HCN4: variants seen among roughly 807,000 people sequenced by gnomAD.
The protein encoded by HCN4 is hyperpolarization activated cyclic nucleotide gated potassium channel 4.
A neutral mutation model predicts 76.9 loss-of-function variants in HCN4; 29 were observed. The ratio of observed to expected loss-of-function variants is 0.38; its 90% CI spans 0.28 to 0.51. The LOEUF is 0.51. HCN4 is among the 20% of genes least tolerant of loss of function. The pLI is 0.90. For synonymous variants in HCN4, 772 were observed against 762.5 expected, an observed-to-expected ratio of 1.01 and a Z score of -0.21; for missense variants, 1,416 against 1,715.2, an observed-to-expected ratio of 0.83 and a Z score of 3.08.
Position 73,331,697 on chromosome 15 carries a change from G to A in HCN4, c.1371+434C>T, listed in dbSNP as rs551573031. 8.5e-5 allele frequency among the ~76,000 whole-genome samples: 13 copies of A among 152,176 alleles called. No homozygotes were observed. The East Asian group carries it at 9.7e-4, about 11-fold the overall frequency. Reference sequence around the variant, plus strand: ...TGGGCTGAAGGGATCCCCCTGCCTCGGCCTCCTAAAGCACTGGGATTACTG... The same window carrying A: ...TGGGCTGAAGGGATCCCCCTGCCTCAGCCTCCTAAAGCACTGGGATTACTG... On this transcript the variant is annotated intron_variant, in intron 3 of 7. Transcript: ENST00000261917.
At chr15:73,324,041 C>T in intron 7 of HCN4, 48 bp downstream of exon 7, 2 of 1,606,864 alleles carry the variant, frequency 1.2e-6, no homozygotes, top group Non-Finnish European at 1.7e-6. Flanking sequence ...CCCTGCCCTC[C>T]TCCCCCAACA....
Position 73,322,369 on chromosome 15 carries a change from TGG to T in HCN4, c.*110_*111del, listed in dbSNP as rs201771049. ...CTGTCTTTTGTTTTTCTGGTGTGTG[TGG>T]TTTTTTAAATAATTATTACTGTTAT... is the stretch of plus-strand genomic sequence containing the variant. On this transcript the variant is annotated 3_prime_UTR_variant, in exon 8 of 8. Coordinates refer to ENST00000261917, the MANE Select transcript of HCN4 (RefSeq NM_005477.3). 1.0e-5 allele frequency: 9 copies of T among 898,096 alleles called. No individual in the cohort carries two copies. The highest frequency in any genetic ancestry group is 5.5e-5 in the East Asian group (2 of 36,684). 55.6% of individuals were successfully genotyped at this position (898,096 alleles called of 1,614,324 possible).
intron 1 of HCN4, among the ~76,000 whole-genome samples, chr15:73,346,026 T>C (rs1041090977): frequency 2.0e-5 from 3 of 152,188 alleles, no homozygotes; most frequent in African/African-American, 7.2e-5. Flanking sequence ...TAAAACCAAA[T>C]TGCATAAGGC....
At chr15:73,327,512 C>T (rs2042907231) in intron 4 of HCN4, among the ~76,000 whole-genome samples, 1 of 152,046 alleles carries the variant, frequency 6.6e-6, no homozygotes, top group African/African-American at 2.4e-5. Context: ...TGAGCCCCAC[C>T]CCAGTCACAG....
rs2042931339 is a variant in HCN4 at position 73,331,347 on chromosome 15, GC to G, written c.1371+783del. ...CTCCACCTCGGATCAGGATATGTTG[GC>G]GAGTGGGGGCAGCCCAGCTCTGCTG... On this transcript the variant is annotated intron_variant, in intron 3 of 7. Transcript: ENST00000261917. Among the ~76,000 whole-genome samples the G allele has an allele frequency of 3.3e-5, 5 of 152,350 alleles. No individual in the cohort carries two copies. The South Asian group carries it at 1.0e-3, about 32-fold the overall frequency.
At position 73,323,048 on chromosome 15, in the gene HCN4, G is replaced by A. The variant is rs767495892; in HGVS notation, c.3045C>T (p.Ser1015=). 1.4e-5 allele frequency: 22 copies of A among 1,526,680 alleles called. No individual in the cohort carries two copies. The South Asian group carries it at 2.5e-4, about 17-fold the overall frequency. 94.6% of individuals were successfully genotyped at this position (1,526,680 alleles called of 1,614,324 possible). A position where few individuals can be genotyped will look rare whatever the true frequency, so the allele number is the denominator to read the frequency against. ...CTCCTCGGGGAGTAAAGCCTACAGG[G>A]GAAGCCCCCCCAGAGGCCCCTGCCA... is the stretch of plus-strand genomic sequence containing the variant. The part of the protein sequence containing the change: ...SLVAGASGGA[S]PVGFTPRGGL... Residue 1015 remains serine (S), a synonymous_variant, in exon 8 of 8, where the codon TCC becomes TCT. Coordinates refer to ENST00000261917, the MANE Select transcript of HCN4 (RefSeq NM_005477.3).
Position 73,323,519 on chromosome 15 carries a change from G to A in HCN4, c.2574C>T (p.His858=), listed in dbSNP as rs1451738030. 6 of 1,601,568 alleles carry A rather than the reference G, an allele frequency of 3.7e-6. No homozygotes were observed. The highest frequency in any genetic ancestry group is 5.1e-6 in the Non-Finnish European group (6 of 1,179,860). ...QVDTPSSSSF[H]IQQLAGFSAP... Reference sequence around the variant, plus strand: ...CAGAGAATCCAGCCAGCTGTTGGATGTGGAAGGAGGATGAAGACGGTGTGT... The same window carrying A: ...CAGAGAATCCAGCCAGCTGTTGGATATGGAAGGAGGATGAAGACGGTGTGT... The change falls in exon 8 of 8, where the codon CAC becomes CAT. Residue 858 remains histidine, a synonymous_variant. Transcript: ENST00000261917.
At chr15:73,337,704 G>A (rs1408275831) in intron 2 of HCN4, among the ~76,000 whole-genome samples, 2 of 152,196 alleles carry the variant, frequency 1.3e-5, no homozygotes, top group African/African-American at 4.8e-5. Context: ...GAAGGTGAAG[G>A]CAATGGTGAC....
At chr15:73,348,625 A>G (rs887406645) in intron 1 of HCN4, among the ~76,000 whole-genome samples, 3 of 152,082 alleles carry the variant, frequency 2.0e-5, no homozygotes, top group African/African-American at 4.8e-5. Flanking sequence ...TAGCTCTTCA[A>G]CTCTGACCAC....
rs532479388 is a variant in HCN4, at chr15:73,345,412, C to T, written c.786-1604G>A. Among the ~76,000 whole-genome samples, 56 of 152,278 alleles carry T rather than the reference C, an allele frequency of 3.7e-4. No homozygotes were observed. The Middle Eastern group carries it at 0.014, about 37-fold the overall frequency. On this transcript the variant is annotated intron_variant, in intron 1 of 7. Transcript: ENST00000261917. ...GATGCCAAGAGGCCAACTTCAGCTCCTCTCTACCCCATGACCCACCACTCC... is the reference window on the plus strand; with the variant it reads ...GATGCCAAGAGGCCAACTTCAGCTCTTCTCTACCCCATGACCCACCACTCC...
intron 1 of HCN4, among the ~76,000 whole-genome samples, chr15:73,355,721 T>C (rs1253334624): frequency 6.6e-6 from 1 of 152,162 alleles, no homozygotes; most frequent in African/African-American, 2.4e-5. Flanking sequence ...AGACCCTATG[T>C]TGCATATGCA....
At chr15:73,339,926 C>G (rs920605321) in intron 2 of HCN4, among the ~76,000 whole-genome samples, 2 of 152,152 alleles carry the variant, frequency 1.3e-5, no homozygotes, top group African/African-American at 4.8e-5. Flanking sequence ...GAAACTAGCT[C>G]AAAGCAATTT....
intron 1 of HCN4, among the ~76,000 whole-genome samples, chr15:73,350,963 C>T (rs984358446): frequency 6.6e-6 from 1 of 152,198 alleles, no homozygotes; most frequent in Non-Finnish European, 1.5e-5. Context: ...CCTCTCCACT[C>T]CACTTGATCT....
chr15:73,367,862 C>A lies in HCN4; in HGVS notation c.409G>T (p.Ala137Ser), dbSNP rs767160441. ...GGCGTCCTGTCCTCGCCGGGGGACGCGTCGCCCTCGGCGATGAGCCGCCGC... is the reference window on the plus strand; with the variant it reads ...GGCGTCCTGTCCTCGCCGGGGGACGAGTCGCCCTCGGCGATGAGCCGCCGC... ...EERRLIAEGD[A>S]SPGEDRTPPG... The change falls in exon 1 of 8, where the codon GCG becomes TCG. Residue 137 changes from alanine (A) to serine (S), a missense_variant. Ala to Ser is a moderately conservative substitution (Grantham distance 99). This residue lies in a region of HCN4 where 355 missense variants were observed against 347.8 expected (regional missense o/e 1.02). Coordinates refer to ENST00000261917, the MANE Select transcript of HCN4 (RefSeq NM_005477.3). This position sits in a 1 kb window ranked among gnomAD's most constrained non-coding sequence, Gnocchi z 7.5. 6 of 1,317,692 alleles carry A rather than the reference C, an allele frequency of 4.6e-6. No homozygotes were observed. The highest frequency in any genetic ancestry group is 2.1e-5 in the South Asian group (1 of 46,758). The allele number at this position is 1,317,692 out of a possible 1,614,324, so 81.6% of individuals were successfully genotyped here.
chr15:73,329,422 T>C, intron 4 of HCN4, 151 bp downstream of exon 4: 1 of 685,734 alleles, frequency 1.5e-6, no homozygotes. Flanking sequence ...ATCTCAGAGG[T>C]GTCTCCCTCC....
chr15:73,340,996 CCT>C (rs1362333497), intron 2 of HCN4: 14 of 151,670 alleles, frequency 9.2e-5, no homozygotes, highest in Admixed American at 7.9e-4. Context: ...TAAATCTTGC[CCT>C]GTTTCTCTTG....
rs375146815 is a variant in HCN4 at position 73,323,805 on chromosome 15, G to T, written c.2288C>A (p.Ala763Asp). The T allele has an allele frequency of 1.2e-5, 19 of 1,607,288 alleles. No individual in the cohort carries two copies. The highest frequency in any genetic ancestry group is 1.6e-5 in the Non-Finnish European group (19 of 1,179,648). Residue 763 changes from alanine (A) to aspartate (D), a missense_variant, in exon 8 of 8, where the codon GCC becomes GAC. Physicochemically the swap from Ala to Asp is moderately radical, Grantham distance 126 (BLOSUM62 -2). Coordinates refer to ENST00000261917, the MANE Select transcript of HCN4 (RefSeq NM_005477.3). Reference protein sequence around the residue: ...AHCAHRVQAAASATPTPTPVI... With the variant: ...AHCAHRVQAADSATPTPTPVI... ...GGGCGTGGGGGTTGGGGTGGCAGAG[G>T]CAGCAGCCTGGACGCGGTGCGCGCA...
chr15:73,353,072 C>A (rs2043062425), intron 1 of HCN4, among the ~76,000 whole-genome samples: 1 of 151,630 alleles, frequency 6.6e-6, no homozygotes, highest in African/African-American at 2.4e-5. Flanking sequence ...GAGACTGTTG[C>A]CAGAAGAAGA....
At chr15:73,323,980 G>C in intron 7 of HCN4, 31 bp from the exon 8 acceptor site, 1 of 1,609,252 alleles carries the variant, frequency 6.2e-7, no homozygotes, top group South Asian at 1.1e-5. Flanking sequence ...AGGCACTCAG[G>C]GCAGAGCGGG....
Sources: gnomAD v4.1 joint callset for allele counts (sites outside exome capture counted in the v4.1 genomes callset) on GRCh38, gnomAD v4.1.1 for gene constraint, gnomAD v4.1.1 regional missense constraint, Gnocchi (gnomAD v3.1) non-coding constraint, MANE v1.5 for transcripts, NCBI Gene and HGNC (gene_info 2026-07-23, HGNC 2026-07-21) for gene names.